Variants in LAMA2 observed in about 807,000 individuals in gnomAD.
LAMA2 encodes the protein laminin subunit alpha 2.
A neutral mutation model predicts 364.8 loss-of-function variants in LAMA2; 269 were observed. The ratio of observed to expected loss-of-function variants is 0.74; its 90% CI spans 0.67 to 0.82. The LOEUF (loss-of-function observed/expected upper bound fraction) is 0.82, where lower values mean the gene tolerates loss of function less well. Ranked by LOEUF, LAMA2 falls within the 40% of genes least tolerant of loss-of-function variation. LAMA2 has a pLI of 0.00. For missense variants in LAMA2, 3,807 were observed against 3,873.2 expected, an observed-to-expected ratio of 0.98 and a Z score of 0.45; for synonymous variants, 1,379 against 1,370.6, an observed-to-expected ratio of 1.01 and a Z score of -0.14.
intron 1 of LAMA2, among the ~76,000 whole-genome samples, chr6:129,015,595 T>G (rs144695567): frequency 2.0e-5 from 3 of 152,118 alleles, no homozygotes; most frequent in African/African-American, 7.2e-5. Flanking sequence ...ACTAGAATTT[T>G]AAACTTGTTA....
chr6:129,133,482 T>C (rs1220313172), intron 4 of LAMA2, among the ~76,000 whole-genome samples: 1 of 152,110 alleles, frequency 6.6e-6, no homozygotes, highest in Non-Finnish European at 1.5e-5. Context: ...GAAGGGAACA[T>C]TCAGAGAATG....
intron 4 of LAMA2, among the ~76,000 whole-genome samples, chr6:129,140,331 A>G (rs1270214826): frequency 6.6e-6 from 1 of 152,138 alleles, no homozygotes; most frequent in African/African-American, 2.4e-5. Flanking sequence ...TTATAAAAAG[A>G]GATGTTTCTG....
intron 1 of LAMA2, among the ~76,000 whole-genome samples, chr6:128,901,410 T>A (rs957045364): frequency 6.6e-6 from 1 of 152,238 alleles, no homozygotes. Flanking sequence ...GCTTATTTTT[T>A]ATTAAGCTAA....
chr6:129,290,903 A>C (rs1789647774), intron 19 of LAMA2, among the ~76,000 whole-genome samples: 1 of 152,232 alleles, frequency 6.6e-6, no homozygotes, highest in African/African-American at 2.4e-5. Flanking sequence ...CTTAAATGTT[A>C]TAATGCTATA....
At chr6:129,359,242 T>C (rs1262509098) in intron 32 of LAMA2, among the ~76,000 whole-genome samples, 1 of 147,094 alleles carries the variant, frequency 6.8e-6, no homozygotes, top group Admixed American at 6.9e-5. Flanking sequence ...TATATAGAAT[T>C]TTATTTAATA....
intron 4 of LAMA2, among the ~76,000 whole-genome samples, chr6:129,110,548 G>A (rs1776096912): frequency 6.6e-6 from 1 of 152,052 alleles, no homozygotes; most frequent in Admixed American, 6.6e-5. Context: ...ATAACTATTT[G>A]TCTATGGTGC....
At chr6:129,077,694 C>A (rs1258984407) in intron 3 of LAMA2, among the ~76,000 whole-genome samples, 3 of 152,130 alleles carry the variant, frequency 2.0e-5, no homozygotes, top group Non-Finnish European at 4.4e-5. Context: ...TTTAAGAGAA[C>A]CTCATAGGAC....
chr6:129,305,452 G>A (rs1422314584), intron 22 of LAMA2, among the ~76,000 whole-genome samples: 1 of 151,944 alleles, frequency 6.6e-6, no homozygotes, highest in African/African-American at 2.4e-5. Flanking sequence ...AGCCTCCAGA[G>A]TAGCTGGGAC....
chr6:128,933,177 C>A (rs969801830), intron 1 of LAMA2, among the ~76,000 whole-genome samples: 2 of 151,696 alleles, frequency 1.3e-5, no homozygotes, highest in African/African-American at 4.8e-5. Flanking sequence ...GCAGGATTTC[C>A]TTCTCTTTTA....
chr6:129,191,231 T>C (rs944647224), intron 11 of LAMA2, among the ~76,000 whole-genome samples: 4 of 152,250 alleles, frequency 2.6e-5, no homozygotes, highest in South Asian at 2.1e-4. Context: ...TAAAGACTAC[T>C]ATTTAGATAA....
intron 4 of LAMA2, among the ~76,000 whole-genome samples, chr6:129,116,076 G>A (rs1385969784): frequency 6.6e-6 from 1 of 152,094 alleles, no homozygotes. Flanking sequence ...TGCTCTTTGA[G>A]TGGAGGAAAA....
At chr6:129,392,597 T>C (rs1437370313) in intron 36 of LAMA2, among the ~76,000 whole-genome samples, 3 of 152,218 alleles carry the variant, frequency 2.0e-5, no homozygotes, top group Admixed American at 6.5e-5. Context: ...AGATTAAAAT[T>C]ATGCTAGTCT....
chr6:129,162,224 A>G (rs1779481067), intron 8 of LAMA2, among the ~76,000 whole-genome samples: 2 of 152,182 alleles, frequency 1.3e-5, no homozygotes, highest in Admixed American at 1.3e-4. Flanking sequence ...TTTTAAGCTC[A>G]TGATATAGTG....
At chr6:129,203,175 T>C (rs1212709534) in intron 12 of LAMA2, among the ~76,000 whole-genome samples, 1 of 152,240 alleles carries the variant, frequency 6.6e-6, no homozygotes, top group Admixed American at 6.5e-5. Context: ...CATTTCAAAC[T>C]TAAAGAAAGA....
intron 32 of LAMA2, among the ~76,000 whole-genome samples, chr6:129,357,769 C>T (rs1028345426): frequency 1.3e-5 from 2 of 151,882 alleles, no homozygotes; most frequent in Non-Finnish European, 2.9e-5. Context: ...AATGCAGAGA[C>T]CTTTATATAT....
chr6:129,033,402 T>C (rs1786378874), intron 1 of LAMA2, among the ~76,000 whole-genome samples: 1 of 152,174 alleles, frequency 6.6e-6, no homozygotes, highest in Non-Finnish European at 1.5e-5. Flanking sequence ...ACAGCATCTT[T>C]CCTGATGCTG....
intron 64 of LAMA2, among the ~76,000 whole-genome samples, chr6:129,515,111 A>AT (rs374151912): frequency 2.6e-5 from 4 of 152,346 alleles, no homozygotes; most frequent in African/African-American, 9.6e-5. Context: ...CACATTAAAT[A>AT]TAGCATGTGA....
At chr6:129,228,877 A>G (rs1445298331) in intron 12 of LAMA2, among the ~76,000 whole-genome samples, 1 of 152,200 alleles carries the variant, frequency 6.6e-6, no homozygotes, top group African/African-American at 2.4e-5. Flanking sequence ...TCCAGGATAG[A>G]CACTGAAAGG....
At position 129,148,975 on chromosome 6, in the gene LAMA2, C is replaced by G. The variant is rs1427396625; in HGVS notation, c.910-4C>G. 2 of 1,604,568 alleles carry G rather than the reference C, an allele frequency of 1.2e-6. No homozygotes were observed. Among genetic ancestry groups the G allele is most frequent in the Non-Finnish European group, 1.7e-6 (2 of 1,171,530 alleles). On this transcript the variant is annotated splice_region_variant and splice_polypyrimidine_tract_variant and intron_variant, in intron 6 of 64. Coordinates refer to ENST00000421865, the MANE Select transcript of LAMA2 (RefSeq NM_000426.4). Reference sequence around the variant, plus strand: ...ATTTGTGCTTCCTCCCTCTTTTTGACTAGAAATCTCGCTGTGAGTGTGAGC... The same window carrying G: ...ATTTGTGCTTCCTCCCTCTTTTTGAGTAGAAATCTCGCTGTGAGTGTGAGC...
Sources: allele counts gnomAD v4.1 joint callset (sites outside exome capture counted in the v4.1 genomes callset), GRCh38; gene constraint gnomAD v4.1.1; transcripts MANE v1.5; gene names NCBI Gene and HGNC (gene_info 2026-07-23, HGNC 2026-07-21).